CMIP: variants seen among roughly 807,000 people sequenced by gnomAD.
CMIP encodes the protein C-Maf-inducing protein.
Under a neutral mutation model 97.3 loss-of-function variants are expected in CMIP, and 13 were observed. The ratio of observed to expected loss-of-function variants is 0.13; its 90% CI spans 0.09 to 0.21. The LOEUF is 0.21. Among genes scored for constraint, CMIP ranks in the 10% least tolerant of loss-of-function variants. The probability of loss-of-function intolerance (pLI) is 1.00; values close to 1 mark genes in which losing one functional copy is unlikely to be tolerated. For synonymous variants in CMIP, 538 were observed against 436.3 expected (o/e 1.23, Z -2.91); for missense variants, 847 against 1,024.9 (o/e 0.83, Z 2.37).
chr16:81,473,718 G>A (rs1907702541), intron 1 of CMIP, among the ~76,000 whole-genome samples: 1 of 151,962 alleles, frequency 6.6e-6, no homozygotes, highest in African/African-American at 2.4e-5. Flanking sequence ...TGGGGGACGC[G>A]GGGACGCAGG....
At chr16:81,562,306 G>A (rs1373316049) in intron 1 of CMIP, among the ~76,000 whole-genome samples, 3 of 152,236 alleles carry the variant, frequency 2.0e-5, no homozygotes, top group Admixed American at 6.5e-5. Context: ...GGCTTACCCA[G>A]CTCATGGTCC....
At chr16:81,462,385 T>C (rs1435382735) in intron 1 of CMIP, among the ~76,000 whole-genome samples, 2 of 152,188 alleles carry the variant, frequency 1.3e-5, no homozygotes, top group African/African-American at 2.4e-5. Flanking sequence ...ATCCATAATA[T>C]AGGCATTCTT....
At position 81,660,893 on chromosome 16, in the gene CMIP, C is replaced by T; in HGVS notation, c.691C>T (p.Pro231Ser). ...EHENIIVAIA[P>S]LLENNHPPPD... ...GTTTGTTGTGTTTCAGGCAATCGCT[C>T]CTTTGCTGGAAAACAACCACCCACC... Residue 231 changes from proline to serine, a missense_variant, in exon 6 of 21, where the codon CCT (proline) becomes TCT (serine). Physicochemically the swap from Pro to Ser is moderately conservative, Grantham distance 74. Coordinates refer to ENST00000537098, the MANE Select transcript of CMIP (RefSeq NM_198390.3). 6.2e-7 allele frequency: 1 copy of T among 1,613,954 alleles called. No homozygotes were observed. Among genetic ancestry groups the T allele is most frequent in the Non-Finnish European group, 8.5e-7 (1 of 1,179,888 alleles).
chr16:81,616,622 G>T lies in CMIP; in HGVS notation c.427-4254G>T, dbSNP rs1385533034. On this transcript the variant is annotated intron_variant, in intron 2 of 20. Transcript: ENST00000537098. The surrounding 1 kb of genome is among the most constrained non-coding windows in gnomAD (Gnocchi z 4.7). ...TTGAACCGAAACCTGCCTTCTTCCT[G>T]GACTGCCACACCGACCTCCAAGAGT... 1.3e-5 allele frequency among the ~76,000 whole-genome samples: 2 copies of T among 152,200 alleles called. No individual in the cohort carries two copies. The highest frequency in any genetic ancestry group is 2.9e-5 in the Non-Finnish European group (2 of 68,036).
At chr16:81,637,786 C>G (rs983321961) in intron 3 of CMIP, among the ~76,000 whole-genome samples, 8 of 148,696 alleles carry the variant, frequency 5.4e-5, no homozygotes, top group Admixed American at 1.4e-4. Context: ...GGGCTGGGAC[C>G]TGCCAGCCTC....
chr16:81,607,839 T>C, intron 2 of CMIP, 147 bp downstream of exon 2: 6 of 912,418 alleles, frequency 6.6e-6, no homozygotes, highest in Non-Finnish European at 9.7e-6. Context: ...ATAAGAAAGC[T>C]GTAAACCAGG....
chr16:81,690,741 A>T (rs2151078137), intron 10 of CMIP, among the ~76,000 whole-genome samples: 1 of 152,328 alleles, frequency 6.6e-6, no homozygotes, highest in South Asian at 2.1e-4. Context: ...CATGGCCAAC[A>T]TGGCAAAACC....
Position 81,626,537 on chromosome 16 carries a change from CTA to C in CMIP, c.477+5613_477+5614del, listed in dbSNP as rs960972803. 1.6e-4 allele frequency among the ~76,000 whole-genome samples: 20 copies of C among 127,252 alleles called. 1 individual carries two copies. Among genetic ancestry groups the C allele is most frequent in the African/African-American group, 4.0e-4 (13 of 32,638 alleles). 83.5% of individuals were successfully genotyped at this position (127,252 alleles called of 152,430 possible). ...TGTGTGTGTGTGGTGTGTGGGGTGA[CTA>C]TGGGTGTGCATGTGTGTGTGGTGTG... On this transcript the variant is annotated intron_variant, in intron 3 of 20. Coordinates refer to ENST00000537098, the MANE Select transcript of CMIP (RefSeq NM_198390.3).
At position 81,652,749 on chromosome 16, in the gene CMIP, C is replaced by T. The variant is rs903950650; in HGVS notation, c.639+385C>T. On this transcript the variant is annotated intron_variant, in intron 4 of 20. Coordinates refer to ENST00000537098, the MANE Select transcript of CMIP (RefSeq NM_198390.3). The surrounding 1 kb of genome is among the most constrained non-coding windows in gnomAD (Gnocchi z 5.2). ...AGATGTGCTCTGTTTAATTTAAACACCATTTTAAAAATCAGGAGATTTCAC... is the reference window on the plus strand; with the variant it reads ...AGATGTGCTCTGTTTAATTTAAACATCATTTTAAAAATCAGGAGATTTCAC... Among the ~76,000 whole-genome samples, 5 of 152,176 alleles carry T rather than the reference C, an allele frequency of 3.3e-5. No homozygotes were observed. The highest frequency in any genetic ancestry group is 1.3e-4 in the Admixed American group (2 of 15,278).
chr16:81,702,457 G>A (rs914363559), intron 16 of CMIP, among the ~76,000 whole-genome samples, 165 bp from the exon 17 acceptor site: 3 of 152,076 alleles, frequency 2.0e-5, no homozygotes, highest in African/African-American at 7.2e-5. Flanking sequence ...AACCACCTGT[G>A]CTCAAACCTC....
At chr16:81,636,193 A>G (rs1386267757) in intron 3 of CMIP, among the ~76,000 whole-genome samples, 1 of 144,286 alleles carries the variant, frequency 6.9e-6, no homozygotes, top group Non-Finnish European at 1.5e-5. Flanking sequence ...GAATTTTTCA[A>G]AGAACATGCA....
intron 1 of CMIP, chr16:81,603,507 G>A (rs2091692405): frequency 1.3e-5 from 6 of 450,856 alleles, no homozygotes; most frequent in Non-Finnish European, 8.9e-6. Context: ...ATCTTAGTCT[G>A]TGGGCTGCGT....
chr16:81,674,081 G>A (rs1597231487), intron 9 of CMIP, among the ~76,000 whole-genome samples: 1 of 152,226 alleles, frequency 6.6e-6, no homozygotes, highest in Middle Eastern at 3.4e-3. Flanking sequence ...CATGAGAGAG[G>A]GTGACTCTTT....
chr16:81,494,351 G>T (rs1397338280), intron 1 of CMIP, among the ~76,000 whole-genome samples: 2 of 152,226 alleles, frequency 1.3e-5, no homozygotes, highest in African/African-American at 2.4e-5. Flanking sequence ...CAGATGCGGG[G>T]CTGAAGCTTT....
chr16:81,693,078 C>A, intron 11 of CMIP, 80 bp from the exon 12 acceptor site: 1 of 1,031,254 alleles, frequency 9.7e-7, no homozygotes, highest in Non-Finnish European at 1.5e-6. Context: ...TCTAGACGTC[C>A]CCAGAGGTTA....
At chr16:81,553,161 C>G (rs766256200) in intron 1 of CMIP, among the ~76,000 whole-genome samples, 1 of 152,238 alleles carries the variant, frequency 6.6e-6, no homozygotes, top group East Asian at 1.9e-4. Flanking sequence ...CTCAGTCTTC[C>G]CTCGTTTTCT....
At chr16:81,467,263 C>A (rs1446612202) in intron 1 of CMIP, among the ~76,000 whole-genome samples, 1 of 152,164 alleles carries the variant, frequency 6.6e-6, no homozygotes, top group Admixed American at 6.5e-5. Context: ...GCCTGGTGTT[C>A]CCATCCCAGA....
intron 10 of CMIP, among the ~76,000 whole-genome samples, chr16:81,679,123 A>C (rs990738116): frequency 2.0e-5 from 3 of 152,042 alleles, no homozygotes; most frequent in African/African-American, 7.3e-5. Flanking sequence ...GGATCCTTAG[A>C]GCTTGTGAGT....
intron 4 of CMIP, among the ~76,000 whole-genome samples, chr16:81,656,723 C>T (rs539051543): frequency 3.3e-5 from 5 of 152,282 alleles, no homozygotes; most frequent in South Asian, 4.1e-4. Flanking sequence ...CTGCAGCCTC[C>T]GCCTTTTGGA....
Sources: gnomAD v4.1 joint callset for allele counts (sites outside exome capture counted in the v4.1 genomes callset) on GRCh38, gnomAD v4.1.1 for gene constraint, Gnocchi (gnomAD v3.1) non-coding constraint, MANE v1.5 for transcripts, NCBI Gene and HGNC (gene_info 2026-07-23, HGNC 2026-07-21) for gene names.